LIN7A: variants seen among roughly 807,000 people sequenced by gnomAD.
The protein encoded by LIN7A is lin-7 cell polarity scaffold A.
In LIN7A, 25 loss-of-function variants were observed where a neutral mutation model predicts 29.8. The ratio of observed to expected loss-of-function variants is 0.84; its 90% CI spans 0.61 to 1.17. The LOEUF (loss-of-function observed/expected upper bound fraction) is 1.17. Among genes scored for constraint, LIN7A ranks in the 50% most tolerant of loss-of-function variants. The pLI, the probability that LIN7A is intolerant of heterozygous loss-of-function variation, is 0.00. For synonymous variants in LIN7A, 118 were observed against 107.5 expected (o/e 1.10, Z -0.60); for missense variants, 239 against 287.0 (o/e 0.83, Z 1.21).
chr12:80,863,894 G>T (rs1203054416), intron 2 of LIN7A, among the ~76,000 whole-genome samples: 1 of 130,000 alleles, frequency 7.7e-6, no homozygotes, highest in Non-Finnish European at 1.6e-5. Flanking sequence ...TGAAAGGCTT[G>T]TTTGTTTGTT....
Position 80,845,946 on chromosome 12 carries a change from A to C in LIN7A, c.274-7T>G. On this transcript the variant is annotated splice_region_variant and splice_polypyrimidine_tract_variant and intron_variant, in intron 3 of 5. Coordinates refer to ENST00000552864, the MANE Select transcript of LIN7A (RefSeq NM_004664.4). Reference sequence around the variant, plus strand: ...CAAAAGCTGCAACTGTTGCCTGAAAAAAAAAAAAAAAGATGGTCTTTTGGT... The same window carrying C: ...CAAAAGCTGCAACTGTTGCCTGAAACAAAAAAAAAAAGATGGTCTTTTGGT... 6.5e-7 allele frequency: 1 copy of C among 1,546,164 alleles called. No homozygotes were observed. The highest frequency in any genetic ancestry group is 8.7e-7 in the Non-Finnish European group (1 of 1,145,508).
chr12:80,892,292 G>A (rs1332742801), intron 1 of LIN7A, among the ~76,000 whole-genome samples: 1 of 152,150 alleles, frequency 6.6e-6, no homozygotes, highest in Non-Finnish European at 1.5e-5. Context: ...AGTGTTCAAT[G>A]CATATTCGTT....
intron 4 of LIN7A, chr12:80,841,809 C>T (rs888786130): frequency 1.1e-5 from 9 of 803,578 alleles, no homozygotes; most frequent in African/African-American, 1.9e-5. Context: ...CTTAAAATTG[C>T]GGAGAAAACA....
At chr12:80,858,849 T>G (rs1873731416) in intron 2 of LIN7A, among the ~76,000 whole-genome samples, 1 of 152,140 alleles carries the variant, frequency 6.6e-6, no homozygotes, top group Admixed American at 6.6e-5. Context: ...TTTGCAAGGG[T>G]TGTAAAATAA....
At chr12:80,891,204 C>G (rs1193902924) in intron 1 of LIN7A, among the ~76,000 whole-genome samples, 1 of 152,116 alleles carries the variant, frequency 6.6e-6, no homozygotes, top group African/African-American at 2.4e-5. Context: ...CCTAACTGAT[C>G]TCCTTTAAAT....
chr12:80,802,896 T>C (rs1870789022), intron 5 of LIN7A, among the ~76,000 whole-genome samples: 1 of 152,228 alleles, frequency 6.6e-6, no homozygotes, highest in Non-Finnish European at 1.5e-5. Context: ...TTAGTGACAA[T>C]GAGCATTTTT....
intron 2 of LIN7A, among the ~76,000 whole-genome samples, chr12:80,853,032 C>T (rs2121549568): frequency 6.6e-6 from 1 of 152,282 alleles, no homozygotes; most frequent in East Asian, 1.9e-4. Context: ...GTACAGATGT[C>T]AGTTCTGATT....
At chr12:80,899,152 T>C (rs908642485) in intron 1 of LIN7A, among the ~76,000 whole-genome samples, 1 of 152,190 alleles carries the variant, frequency 6.6e-6, no homozygotes, top group Non-Finnish European at 1.5e-5. Context: ...GAAGTACGTT[T>C]CCTCAATGCC....
intron 1 of LIN7A, among the ~76,000 whole-genome samples, chr12:80,904,729 AT>A (rs1387525650): frequency 6.6e-6 from 1 of 152,158 alleles, no homozygotes; most frequent in African/African-American, 2.4e-5. Flanking sequence ...GATTTTGGAT[AT>A]TTTTGATTTT....
intron 1 of LIN7A, among the ~76,000 whole-genome samples, chr12:80,912,595 A>G (rs901530533): frequency 4.0e-5 from 6 of 151,782 alleles, no homozygotes; most frequent in Non-Finnish European, 8.8e-5. Flanking sequence ...CACACCTGTA[A>G]TCCCAGCTAC....
intron 5 of LIN7A, among the ~76,000 whole-genome samples, chr12:80,807,056 A>G (rs1457766547): frequency 1.1e-5 from 1 of 93,860 alleles, no homozygotes; most frequent in Non-Finnish European, 2.0e-5. Context: ...AATTTAATGA[A>G]GATGGAGTTT....
intron 1 of LIN7A, among the ~76,000 whole-genome samples, chr12:80,933,502 A>G (rs1878033499): frequency 6.6e-6 from 1 of 152,144 alleles, no homozygotes; most frequent in African/African-American, 2.4e-5. Flanking sequence ...CTAACCAAAC[A>G]GGCCCTTCTC....
intron 5 of LIN7A, among the ~76,000 whole-genome samples, chr12:80,806,816 C>T (rs894376308): frequency 1.3e-5 from 2 of 152,080 alleles, no homozygotes; most frequent in African/African-American, 4.8e-5. Flanking sequence ...CTGAAGTCAC[C>T]ATAAAATCCA....
At chr12:80,888,069 G>T (rs1283543892) in intron 2 of LIN7A, among the ~76,000 whole-genome samples, 1 of 152,100 alleles carries the variant, frequency 6.6e-6, no homozygotes, top group African/African-American at 2.4e-5. Context: ...TAATGCCAAA[G>T]AATCCGTATG....
At chr12:80,933,727 C>G (rs114559338) in intron 1 of LIN7A, among the ~76,000 whole-genome samples, 1,876 of 152,198 alleles carry the variant, frequency 0.012, 34 homozygotes, top group African/African-American at 0.039. Context: ...GACATTTCCC[C>G]AGGTATCTGC....
intron 1 of LIN7A, among the ~76,000 whole-genome samples, chr12:80,903,562 G>T (rs189029110): frequency 6.6e-6 from 1 of 152,016 alleles, no homozygotes; most frequent in Non-Finnish European, 1.5e-5. Context: ...GTATTGCATG[G>T]TGTATATATA....
At chr12:80,855,663 T>G (rs1421901935) in intron 2 of LIN7A, among the ~76,000 whole-genome samples, 2 of 152,068 alleles carry the variant, frequency 1.3e-5, no homozygotes, top group African/African-American at 4.8e-5. Context: ...TAAAATGAAT[T>G]TGGGGATCAT....
intron 4 of LIN7A, chr12:80,842,006 C>A: frequency 7.8e-7 from 1 of 1,275,060 alleles, no homozygotes; most frequent in South Asian, 1.3e-5. Context: ...TTAGGTGGTT[C>A]AATGTCTCAT....
intron 4 of LIN7A, among the ~76,000 whole-genome samples, chr12:80,817,911 G>A (rs1217254866): frequency 2.0e-5 from 3 of 152,028 alleles, no homozygotes; most frequent in African/African-American, 4.8e-5. Context: ...TGATGCAAAA[G>A]GATAGGAACT....
Sources: gnomAD v4.1 joint callset for allele counts (sites outside exome capture counted in the v4.1 genomes callset) on GRCh38, gnomAD v4.1.1 for gene constraint, MANE v1.5 for transcripts, NCBI Gene and HGNC (gene_info 2026-07-23, HGNC 2026-07-21) for gene names.